MDFIC: variants seen among roughly 807,000 people sequenced by gnomAD.
MDFIC encodes myoD family inhibitor domain-containing protein.
MDFIC carries 17 observed loss-of-function variants against 23.2 expected under a neutral mutation model. The ratio of observed to expected loss-of-function variants is 0.73; its 90% confidence interval spans 0.50 to 1.10. The LOEUF (loss-of-function observed/expected upper bound fraction) is 1.10, where lower values mean the gene tolerates loss of function less well. Among genes scored for constraint, MDFIC ranks in the 50% least tolerant of loss-of-function variants. The pLI, the probability that MDFIC is intolerant of heterozygous loss-of-function variation, is 0.00. For synonymous variants in MDFIC, 120 were observed against 115.2 expected (o/e 1.04, Z -0.27); for missense variants, 356 against 316.6 (o/e 1.12, Z -0.95).
chr7:114,968,913 A>G (rs1269261703), intron 3 of MDFIC, among the ~76,000 whole-genome samples: 2 of 152,226 alleles, frequency 1.3e-5, no homozygotes, highest in Admixed American at 1.3e-4. Flanking sequence ...ATGCTCGTCT[A>G]CGTAATTCCA....
At chr7:114,935,250 T>G (rs2709483) in intron 2 of MDFIC, among the ~76,000 whole-genome samples, 137,229 of 152,054 alleles carry the variant, frequency 0.9, 62,163 homozygotes, top group East Asian at 1. Flanking sequence ...TACAAATTGC[T>G]TATCACCAAT....
intron 4 of MDFIC, among the ~76,000 whole-genome samples, chr7:114,990,198 TA>T (rs1335952851): frequency 2.0e-5 from 3 of 152,202 alleles, no homozygotes; most frequent in Non-Finnish European, 4.4e-5. Context: ...TAATCTATAA[TA>T]AAAAGGAGTT....
At chr7:114,991,127 G>C (rs577265942) in intron 4 of MDFIC, among the ~76,000 whole-genome samples, 57 of 152,222 alleles carry the variant, frequency 3.7e-4, no homozygotes, top group African/African-American at 1.3e-3. Flanking sequence ...TCATGTGTCT[G>C]TTGGCTGCAT....
At chr7:115,009,815 A>G (rs1290100416) in intron 4 of MDFIC, among the ~76,000 whole-genome samples, 4 of 152,344 alleles carry the variant, frequency 2.6e-5, no homozygotes, top group Admixed American at 1.3e-4. Context: ...TAAATCAAAC[A>G]TAGTAAAGAT....
chr7:114,991,494 G>A (rs1791160124), intron 4 of MDFIC, among the ~76,000 whole-genome samples: 1 of 152,006 alleles, frequency 6.6e-6, no homozygotes, highest in South Asian at 2.1e-4. Context: ...TCTGACATTT[G>A]AGTCTTTGAT....
At chr7:114,992,553 G>A (rs1011349708) in intron 4 of MDFIC, among the ~76,000 whole-genome samples, 2 of 152,170 alleles carry the variant, frequency 1.3e-5, no homozygotes, top group African/African-American at 4.8e-5. Flanking sequence ...AGAGTTTTTA[G>A]TATGAAGGGC....
intron 4 of MDFIC, among the ~76,000 whole-genome samples, chr7:114,989,773 C>G (rs546700778): frequency 6.6e-6 from 1 of 152,126 alleles, no homozygotes; most frequent in African/African-American, 2.4e-5. Context: ...GGACACGTAA[C>G]CTTTGGTGAC....
intron 4 of MDFIC, 37 bp downstream of exon 4, chr7:114,979,818 A>G: frequency 6.3e-7 from 1 of 1,579,478 alleles, no homozygotes; most frequent in Non-Finnish European, 8.7e-7. Context: ...ATTTGACCAG[A>G]TGTAAAATAA....
intron 2 of MDFIC, among the ~76,000 whole-genome samples, chr7:114,934,755 G>A (rs1429109967): frequency 6.6e-6 from 1 of 152,136 alleles, no homozygotes; most frequent in Non-Finnish European, 1.5e-5. Flanking sequence ...TAACTTCCTT[G>A]TGTTTGCACA....
chr7:114,944,443 G>A (rs1168361694), intron 3 of MDFIC, among the ~76,000 whole-genome samples: 1 of 152,142 alleles, frequency 6.6e-6, no homozygotes, highest in East Asian at 1.9e-4. Flanking sequence ...CACTTTTCTA[G>A]ACAAAGTCTA....
At chr7:114,949,830 G>A (rs1792728490) in intron 3 of MDFIC, among the ~76,000 whole-genome samples, 1 of 152,158 alleles carries the variant, frequency 6.6e-6, no homozygotes, top group African/African-American at 2.4e-5. Flanking sequence ...TCCAGTGGAA[G>A]TGTTGTCTGT....
At chr7:115,003,642 C>A (rs544929291) in intron 4 of MDFIC, among the ~76,000 whole-genome samples, 1 of 152,168 alleles carries the variant, frequency 6.6e-6, no homozygotes, top group Admixed American at 6.5e-5. Context: ...AGATGTTTTA[C>A]CTGGTTTCTT....
intron 3 of MDFIC, among the ~76,000 whole-genome samples, chr7:114,978,238 T>C (rs1255878680): frequency 1.3e-5 from 2 of 151,996 alleles, no homozygotes; most frequent in Non-Finnish European, 2.9e-5. Flanking sequence ...ACCCTCTTTT[T>C]CTTCTAAAAA....
At chr7:114,941,809 A>C (rs772883501) in intron 2 of MDFIC, among the ~76,000 whole-genome samples, 3 of 152,128 alleles carry the variant, frequency 2.0e-5, no homozygotes, top group Non-Finnish European at 4.4e-5. Flanking sequence ...CTAGAGAGAG[A>C]ATGCTGTACT....
At chr7:114,928,108 A>T (rs1563134328) in intron 2 of MDFIC, among the ~76,000 whole-genome samples, 1 of 152,208 alleles carries the variant, frequency 6.6e-6, no homozygotes, top group South Asian at 2.1e-4. Flanking sequence ...ACTAATGTAC[A>T]TTTTATGATT....
At chr7:115,013,531 T>C (rs1349101527) in intron 4 of MDFIC, among the ~76,000 whole-genome samples, 1 of 152,230 alleles carries the variant, frequency 6.6e-6, no homozygotes, top group Non-Finnish European at 1.5e-5. Context: ...TCAATCTTGA[T>C]ATTTAAGCAT....
intron 4 of MDFIC, among the ~76,000 whole-genome samples, chr7:114,990,603 G>T (rs78545803): frequency 0.083 from 12,682 of 152,176 alleles, 591 homozygotes; most frequent in South Asian, 0.15. Flanking sequence ...GCAGTGTTTG[G>T]TTTTTTGTCC....
At chr7:114,988,805 G>A (rs1050742472) in intron 4 of MDFIC, among the ~76,000 whole-genome samples, 1 of 152,170 alleles carries the variant, frequency 6.6e-6, no homozygotes, top group African/African-American at 2.4e-5. Flanking sequence ...TGGAGAGAAG[G>A]AGTTAGAGGC....
intron 4 of MDFIC, 148 bp downstream of exon 4, chr7:114,979,929 A>C: frequency 1.0e-6 from 1 of 958,642 alleles, no homozygotes; most frequent in Non-Finnish European, 1.6e-6. Flanking sequence ...AACTTTCCCA[A>C]AGGAAAGCAC....
Sources: gnomAD v4.1 joint callset for allele counts (sites outside exome capture counted in the v4.1 genomes callset) on GRCh38, gnomAD v4.1.1 for gene constraint, MANE v1.5 for transcripts, NCBI Gene and HGNC (gene_info 2026-07-23, HGNC 2026-07-21) for gene names.